Variants in LMNB2 observed in about 807,000 individuals in gnomAD.
LMNB2 encodes the protein lamin-B2.
Under a neutral mutation model 69.3 loss-of-function variants are expected in LMNB2, and 17 were observed. The observed-to-expected ratio is 0.25, with a 90% CI of 0.17 to 0.37. The LOEUF is 0.37. Among genes scored for constraint, LMNB2 ranks in the 10% least tolerant of loss-of-function variants. The pLI is 1.00. For synonymous variants in LMNB2, 397 were observed against 389.3 expected (o/e 1.02, Z -0.23); for missense variants, 789 against 883.6 (o/e 0.89, Z 1.36).
chr19:2,454,353 T>G (rs1972065611), intron 1 of LMNB2, among the ~76,000 whole-genome samples: 2 of 150,980 alleles, frequency 1.3e-5, no homozygotes, highest in Non-Finnish European at 2.9e-5. Context: ...CTGATCTTCC[T>G]TCTACCTCCC....
At position 2,456,410 on chromosome 19, in the gene LMNB2, C is replaced by A. The variant is rs75660485; in HGVS notation, c.264+260G>T. ...CTGCACCGCTCACTCAGGGGCCCCT[C>A]GAAACCCCCTGGAGACCCTCGAGAC... On this transcript the variant is annotated intron_variant, in intron 1 of 11. Transcript: ENST00000325327. Among the ~76,000 whole-genome samples, 12,921 of 148,808 alleles carry A rather than the reference C, an allele frequency of 0.087. 1,947 individuals are homozygous for A. Among genetic ancestry groups the A allele is most frequent in the African/African-American group, 0.3 (12,210 of 40,190 alleles).
chr19:2,444,699 T>G (rs1283661143), intron 1 of LMNB2, among the ~76,000 whole-genome samples, 159 bp from the exon 2 acceptor site: 1 of 152,178 alleles, frequency 6.6e-6, no homozygotes, highest in Non-Finnish European at 1.5e-5. Flanking sequence ...GTGTTGCCCA[T>G]CTCACAGACA....
At position 2,434,453 on chromosome 19, in the gene LMNB2, C is replaced by T; in HGVS notation, c.1044G>A (p.Lys348=). 1 of 1,613,444 alleles carries T rather than the reference C, an allele frequency of 6.2e-7. No homozygotes were observed. The highest frequency in any genetic ancestry group is 1.3e-5 in the African/African-American group (1 of 75,066). The change falls in exon 7 of 12, where the codon AAG becomes AAA. Residue 348 remains lysine, a synonymous_variant. Transcript: ENST00000325327. The part of the protein sequence containing the change: ...LEEAMAGERD[K]FRKMLDAKEQ... ...CCTTGGCGTCCAGCATCTTCCGGAA[C>T]TTGTCCCGCTCCCCGGCCATGGCCT...
In LMNB2 at chr19:2,428,814, C is replaced by G. The variant is rs545899805; in HGVS notation, c.*2097G>C. 2 of 152,234 alleles carry G rather than the reference C, an allele frequency of 1.3e-5. No homozygotes were observed. The highest frequency in any genetic ancestry group is 2.4e-5 in the African/African-American group (1 of 41,448). The allele number at this position is 152,234 out of a possible 1,614,324, so 9.4% of individuals were successfully genotyped here. A position where few individuals can be genotyped will look rare whatever the true frequency, so the allele number is the denominator to read the frequency against. Reference sequence around the variant, plus strand: ...GATTTTCTTAGTGTTTCCAAAGACTCAATTCTCAATGAACCTCCAATTACC... The same window carrying G: ...GATTTTCTTAGTGTTTCCAAAGACTGAATTCTCAATGAACCTCCAATTACC... On this transcript the variant is annotated 3_prime_UTR_variant, in exon 12 of 12. Transcript: ENST00000325327.
intron 2 of LMNB2, 152 bp from the exon 3 acceptor site, chr19:2,438,683 G>A (rs962059924): frequency 3.4e-5 from 31 of 923,282 alleles, no homozygotes; most frequent in East Asian, 1.1e-4. Context: ...GGCCCCACGC[G>A]CCCAGGCAAA....
At chr19:2,455,451 C>G (rs541471861) in intron 1 of LMNB2, among the ~76,000 whole-genome samples, 2 of 151,992 alleles carry the variant, frequency 1.3e-5, no homozygotes, top group Non-Finnish European at 2.9e-5. Flanking sequence ...CTCTGAGGGA[C>G]GAGGCATATG....
At position 2,453,074 on chromosome 19, in the gene LMNB2, G is replaced by C. The variant is rs997050947; in HGVS notation, c.264+3596C>G. ...GGGGCTGGGTCATCCTCATGGGGCTGGGTCATCCTCGTGAGGGCTGCGTCA... is the reference window on the plus strand; with the variant it reads ...GGGGCTGGGTCATCCTCATGGGGCTCGGTCATCCTCGTGAGGGCTGCGTCA... On this transcript the variant is annotated intron_variant, in intron 1 of 11. Transcript: ENST00000325327. This position sits in a 1 kb window ranked among gnomAD's most constrained non-coding sequence, Gnocchi z 4.4. 4.0e-5 allele frequency among the ~76,000 whole-genome samples: 6 copies of C among 151,464 alleles called. No homozygotes were observed. The highest frequency in any genetic ancestry group is 1.2e-4 in the African/African-American group (5 of 41,130).
chr19:2,456,547 AC>A, intron 1 of LMNB2, 122 bp downstream of exon 1: 9 of 1,019,140 alleles, frequency 8.8e-6, no homozygotes, highest in Non-Finnish European at 1.1e-5. Context: ...CCCCGCGGAA[AC>A]CCCCGAAGCC....
Position 2,434,104 on chromosome 19 carries a change from G to A in LMNB2, c.1204C>T (p.Leu402=), listed in dbSNP as rs1368043767. 2 of 1,583,718 alleles carry A rather than the reference G, an allele frequency of 1.3e-6. No individual in the cohort carries two copies. Among genetic ancestry groups the A allele is most frequent in the Non-Finnish European group, 1.7e-6 (2 of 1,167,090 alleles). ...GAGGATGGGCTGGGGGACAGCTTCA[G>A]CCTGTGGGGAAGGCAAGGAAGGTGG... ...RKLLEGEEER[L]KLSPSPSSRV... Residue 402 remains leucine (L), a splice_region_variant and synonymous_variant, in exon 8 of 12, where the codon CTG becomes TTG. Transcript: ENST00000325327.
intron 4 of LMNB2, among the ~76,000 whole-genome samples, chr19:2,436,246 G>A (rs1199457361): frequency 2.0e-5 from 3 of 152,126 alleles, no homozygotes; most frequent in South Asian, 2.1e-4. Context: ...TCATGCCACC[G>A]TACTCCAGCC....
At chr19:2,456,579 C>T (rs1599344808) in intron 1 of LMNB2, 91 bp downstream of exon 1, 5 of 1,266,014 alleles carry the variant, frequency 3.9e-6, no homozygotes, top group South Asian at 4.5e-5. Flanking sequence ...CCCGTCTGCA[C>T]CCCCGCCCAG....
chr19:2,435,149 C>A lies in LMNB2; in HGVS notation c.707G>T (p.Arg236Leu). ...CACCTCCACCAGGCGCCGCTCGTGC[C>A]GCCGCCGCGTCTCCCGCACCTCCTG... Reference protein sequence around the residue: ...FEEEVRETRRRHERRLVEVDS... With the variant: ...FEEEVRETRRLHERRLVEVDS... The change falls in exon 5 of 12, where the codon CGG (arginine) becomes CTG (leucine). Residue 236 changes from arginine (R) to leucine (L), a missense_variant. By Grantham distance (102) the Arg-to-Leu change is moderately radical. Coordinates refer to ENST00000325327, the MANE Select transcript of LMNB2 (RefSeq NM_032737.4). 6.2e-7 allele frequency: 1 copy of A among 1,603,912 alleles called. No individual in the cohort carries two copies.
At chr19:2,439,481 C>A (rs1426975435) in intron 2 of LMNB2, among the ~76,000 whole-genome samples, 3 of 152,170 alleles carry the variant, frequency 2.0e-5, no homozygotes, top group African/African-American at 7.2e-5. Flanking sequence ...CTGGCCTCCA[C>A]CCACTTCAGA....
intron 6 of LMNB2, 62 bp from the exon 7 acceptor site, chr19:2,434,577 C>T: frequency 6.4e-7 from 1 of 1,570,138 alleles, no homozygotes; most frequent in South Asian, 1.1e-5. Context: ...CCAGGTGATC[C>T]TGGGACTGCG....
Position 2,430,715 on chromosome 19 carries a change from C to A in LMNB2, c.*196G>T. ...GGGTGGGATTGAAAAGTCTCCGGGGCAGCGGCGAAGTGGCAGCGAAGTGAG... is the reference window on the plus strand; with the variant it reads ...GGGTGGGATTGAAAAGTCTCCGGGGAAGCGGCGAAGTGGCAGCGAAGTGAG... On this transcript the variant is annotated 3_prime_UTR_variant, in exon 12 of 12. Coordinates refer to ENST00000325327, the MANE Select transcript of LMNB2 (RefSeq NM_032737.4). 1.5e-6 allele frequency: 1 copy of A among 667,794 alleles called. No individual in the cohort carries two copies. Among genetic ancestry groups the A allele is most frequent in the Non-Finnish European group, 2.8e-6 (1 of 361,476 alleles). 41.4% of individuals were successfully genotyped at this position (667,794 alleles called of 1,614,324 possible).
At chr19:2,450,662 G>A (rs1972011654) in intron 1 of LMNB2, among the ~76,000 whole-genome samples, 1 of 151,864 alleles carries the variant, frequency 6.6e-6, no homozygotes, top group African/African-American at 2.4e-5. Context: ...GGCGAGCACA[G>A]GGCAAGACTC....
Position 2,428,177 on chromosome 19 carries a change from T to C in LMNB2, c.*2734A>G, listed in dbSNP as rs981487739. The stretch of plus-strand genomic sequence containing the variant: ...TCAGAGGCAGAACCTAAAATCAAAA[T>C]GTTTATTGGAGTGTTGTACAAAAAA... On this transcript the variant is annotated 3_prime_UTR_variant, in exon 12 of 12. Coordinates refer to ENST00000325327, the MANE Select transcript of LMNB2 (RefSeq NM_032737.4). 1 of 152,176 alleles carries C rather than the reference T, an allele frequency of 6.6e-6. No homozygotes were observed. The highest frequency in any genetic ancestry group is 1.5e-5 in the Non-Finnish European group (1 of 68,030). The allele number at this position is 152,176 out of a possible 1,614,324, so 9.4% of individuals were successfully genotyped here.
intron 8 of LMNB2, among the ~76,000 whole-genome samples, chr19:2,432,866 C>T (rs1323248219): frequency 4.5e-5 from 5 of 110,878 alleles, no homozygotes; most frequent in Admixed American, 8.1e-5. Context: ...CCCCATGCCC[C>T]GGTCTTTCCG....
chr19:2,448,641 A>G (rs1305041326), intron 1 of LMNB2, among the ~76,000 whole-genome samples: 1 of 152,096 alleles, frequency 6.6e-6, no homozygotes, highest in Non-Finnish European at 1.5e-5. Context: ...AGGTTAGGAG[A>G]TCAAGACCAT....
Sources: allele counts gnomAD v4.1 joint callset (sites outside exome capture counted in the v4.1 genomes callset), GRCh38; gene constraint gnomAD v4.1.1; non-coding constraint Gnocchi (gnomAD v3.1); transcripts MANE v1.5; gene names NCBI Gene and HGNC (gene_info 2026-07-23, HGNC 2026-07-21).